Variants in ACO1 observed in about 807,000 individuals in gnomAD.
The protein encoded by ACO1 is cytoplasmic aconitate hydratase.
In ACO1, 78 loss-of-function variants were observed where a neutral mutation model predicts 105.1. The ratio of observed to expected loss-of-function variants is 0.74; its 90% CI spans 0.62 to 0.90. The LOEUF is 0.90. Among genes scored for constraint, ACO1 ranks in the 40% least tolerant of loss-of-function variants. The pLI is 0.00. For synonymous variants in ACO1, 364 were observed against 397.4 expected (o/e 0.92, Z 1.00); for missense variants, 965 against 1,111.1 (o/e 0.87, Z 1.87).
chr9:32,420,862 C>T lies in ACO1; in HGVS notation c.805C>T (p.Arg269Cys), dbSNP rs779887077. ...DIVLTITKHL[R>C]QVGVVGKFVE... ...TGTTGTTTCTGCTGCTTAGCACCTC[C>T]GCCAGGTTGGGGTAGTGGGCAAATT... is the stretch of plus-strand genomic sequence containing the variant. The change falls in exon 8 of 21, where the codon CGC becomes TGC. Residue 269 changes from arginine to cysteine, a missense_variant. By Grantham distance (180) the Arg-to-Cys change is radical. Coordinates refer to ENST00000309951, the MANE Select transcript of ACO1 (RefSeq NM_002197.3). 1.2e-5 allele frequency: 19 copies of T among 1,613,180 alleles called. No homozygotes were observed. Among genetic ancestry groups the T allele is most frequent in the Middle Eastern group, 1.7e-4 (1 of 6,004 alleles).
Position 32,420,977 on chromosome 9 carries a change from C to A in ACO1, c.920C>A (p.Ala307Asp). The change falls in exon 8 of 21, where the codon GCT becomes GAT. Residue 307 changes from alanine (A) to aspartate (D), a missense_variant. Ala to Asp is a moderately radical substitution (Grantham distance 126). Transcript: ENST00000309951. ...ATGTGTCCAGAGTACGGAGCAACTG[C>A]TGCCTTTTTCCCAGTTGATGAAGTT... ...ANMCPEYGAT[A>D]AFFPVDEVSI... 1.2e-6 allele frequency: 2 copies of A among 1,614,132 alleles called. No individual in the cohort carries two copies. The highest frequency in any genetic ancestry group is 1.7e-6 in the Non-Finnish European group (2 of 1,180,024).
chr9:32,391,504 C>T (rs1821266572), intron 1 of ACO1, among the ~76,000 whole-genome samples: 1 of 152,182 alleles, frequency 6.6e-6, no homozygotes, highest in South Asian at 2.1e-4. Context: ...ATTAATCCAC[C>T]TTAGATGAAT....
At chr9:32,413,500 AAAT>A (rs1396015779) in intron 4 of ACO1, among the ~76,000 whole-genome samples, 1 of 144,654 alleles carries the variant, frequency 6.9e-6, no homozygotes, top group African/African-American at 2.5e-5. Context: ...AAAAAAAAAA[AAAT>A]CTTTTAGAAG....
rs542268171 is a variant in ACO1 at position 32,404,859 on chromosome 9, G to A, written c.-22-626G>A. ...CAGAATCACCTAGAAGCTTGAACAG[G>A]TTCAATGGGTGGGGAGGGGATACTC... is the stretch of plus-strand genomic sequence containing the variant. On this transcript the variant is annotated intron_variant, in intron 1 of 20. Coordinates refer to ENST00000309951, the MANE Select transcript of ACO1 (RefSeq NM_002197.3). 4.6e-5 allele frequency among the ~76,000 whole-genome samples: 7 copies of A among 152,292 alleles called. No individual in the cohort carries two copies. The South Asian group carries it at 1.5e-3, about 32-fold the overall frequency.
chr9:32,398,531 T>C (rs1821419731), intron 1 of ACO1, among the ~76,000 whole-genome samples: 1 of 151,460 alleles, frequency 6.6e-6, no homozygotes, highest in Non-Finnish European at 1.5e-5. Context: ...CACCCAGGGT[T>C]CGGAATTTCT....
In ACO1 at chr9:32,439,464, T is replaced by C. The variant is rs1427796127; in HGVS notation, c.2248-1001T>C. Among the ~76,000 whole-genome samples the C allele has an allele frequency of 6.6e-6, 1 of 152,224 alleles. No homozygotes were observed. Among genetic ancestry groups the C allele is most frequent in the African/African-American group, 2.4e-5 (1 of 41,462 alleles). On this transcript the variant is annotated intron_variant, in intron 18 of 20. Transcript: ENST00000309951. This position sits in a 1 kb window ranked among gnomAD's most constrained non-coding sequence, Gnocchi z 4.0. ...TAGCTCCTGTCTCTCTTTTGAGGAA[T>C]TTTATCTTCTGACTTACATAGCCTG... is the stretch of plus-strand genomic sequence containing the variant.
Position 32,453,240 on chromosome 9 carries a change from G to T in ACO1, c.*3129G>T, listed in dbSNP as rs568302122. ...AATATAGCAAATAAGGATGAGGGAT[G>T]CCCTTCATGTGTATTTACACACCAG... On this transcript the variant is annotated 3_prime_UTR_variant, in exon 21 of 21. Transcript: ENST00000309951. 32 of 152,032 alleles carry T rather than the reference G, an allele frequency of 2.1e-4. No individual in the cohort carries two copies. Among genetic ancestry groups the T allele is most frequent in the African/African-American group, 7.7e-4 (32 of 41,466 alleles). The allele number at this position is 152,032 out of a possible 1,614,324, so 9.4% of individuals were successfully genotyped here.
intron 7 of ACO1, 90 bp from the exon 8 acceptor site, chr9:32,420,766 G>A: frequency 7.2e-7 from 1 of 1,381,628 alleles, no homozygotes; most frequent in Non-Finnish European, 1.0e-6. Flanking sequence ...TTACTGACAA[G>A]ACTAGTTTAT....
chr9:32,410,921 A>AC (rs1821724731), intron 4 of ACO1, among the ~76,000 whole-genome samples: 1 of 152,138 alleles, frequency 6.6e-6, no homozygotes. Context: ...CTTACACTGA[A>AC]CCATACATCT....
chr9:32,408,669 A>G lies in ACO1; in HGVS notation c.404+18A>G, dbSNP rs368917410. On this transcript the variant is annotated intron_variant, in intron 4 of 20. Coordinates refer to ENST00000309951, the MANE Select transcript of ACO1 (RefSeq NM_002197.3). ...AACAGAAGGTGAGAGATTAAAACGA[A>G]TACCTGAGTGTTCTGCTTTGTGCAA... The G allele has an allele frequency of 3.7e-6, 6 of 1,613,382 alleles. No individual in the cohort carries two copies. The highest frequency in any genetic ancestry group is 4.2e-6 in the Non-Finnish European group (5 of 1,179,704).
chr9:32,424,964 C>T (rs1038212902), intron 10 of ACO1, among the ~76,000 whole-genome samples: 10 of 152,212 alleles, frequency 6.6e-5, no homozygotes, highest in African/African-American at 2.4e-4. Flanking sequence ...CATGCCCCTC[C>T]CTGCCTGAAA....
chr9:32,384,754 C>G lies in ACO1; in HGVS notation c.-23+19C>G, dbSNP rs1265574873. On this transcript the variant is annotated intron_variant, in intron 1 of 20. Coordinates refer to ENST00000309951, the MANE Select transcript of ACO1 (RefSeq NM_002197.3). ...GTCGGAGGTGAGTACCGACGCGGCC[C>G]GACCCACGTCCCCAGGCGGGAGCGC... 2 of 378,420 alleles carry G rather than the reference C, an allele frequency of 5.3e-6. No individual in the cohort carries two copies. The highest frequency in any genetic ancestry group is 1.1e-5 in the Non-Finnish European group (2 of 185,968). The allele number at this position is 378,420 out of a possible 1,614,324, so 23.4% of individuals were successfully genotyped here.
chr9:32,445,044 G>A (rs547057159), intron 19 of ACO1, among the ~76,000 whole-genome samples: 8 of 152,230 alleles, frequency 5.3e-5, no homozygotes, highest in South Asian at 2.1e-4. Context: ...TTTTTGCATC[G>A]ATGTTCATCA....
chr9:32,424,962 T>TC (rs1156255235), intron 10 of ACO1, among the ~76,000 whole-genome samples: 1 of 152,344 alleles, frequency 6.6e-6, no homozygotes, highest in Admixed American at 6.5e-5. Context: ...TGCATGCCCC[T>TC]CCCTGCCTGA....
intron 19 of ACO1, among the ~76,000 whole-genome samples, chr9:32,444,857 C>T (rs1219416631): frequency 6.6e-6 from 1 of 152,148 alleles, no homozygotes; most frequent in African/African-American, 2.4e-5. Flanking sequence ...TCCTTTTCTG[C>T]ATCTATTGAG....
chr9:32,434,802 C>G, intron 17 of ACO1, 101 bp downstream of exon 17: 1 of 1,423,310 alleles, frequency 7.0e-7, no homozygotes, highest in Non-Finnish European at 9.6e-7. Context: ...GAATGAGACT[C>G]TTTGGTTGTG....
intron 4 of ACO1, among the ~76,000 whole-genome samples, chr9:32,410,034 G>A (rs903545152): frequency 6.6e-6 from 1 of 152,052 alleles, no homozygotes; most frequent in Non-Finnish European, 1.5e-5. Flanking sequence ...AAGTAGTAAT[G>A]GTCAATTTTC....
rs1473199677 is a variant in ACO1, at chr9:32,418,498, C to T, written c.645C>T (p.Gly215=). Residue 215 remains glycine, a synonymous_variant, in exon 6 of 21, where the codon GGC becomes GGT. Coordinates refer to ENST00000309951, the MANE Select transcript of ACO1 (RefSeq NM_002197.3). The part of the protein sequence containing the change: ...DSHTTMIDGL[G]ILGWGVGGIE... ...ACACTACCATGATTGATGGCTTGGG[C>T]ATTCTTGGTTGGGGTGAGTGTTCTT... The T allele has an allele frequency of 1.9e-6, 3 of 1,612,640 alleles. No individual in the cohort carries two copies. In the South Asian group the frequency reaches 3.3e-5, roughly 18 times the overall value.
Position 32,420,905 on chromosome 9 carries a change from C to G in ACO1, c.848C>G (p.Pro283Arg). Residue 283 changes from proline to arginine, a missense_variant, in exon 8 of 21, where the codon CCT becomes CGT. By Grantham distance (103) the Pro-to-Arg change is moderately radical. Coordinates refer to ENST00000309951, the MANE Select transcript of ACO1 (RefSeq NM_002197.3). Reference protein sequence around the residue: ...VVGKFVEFFGPGVAQLSIADR... With the variant: ...VVGKFVEFFGRGVAQLSIADR... ...GGCAAATTTGTCGAGTTCTTCGGGC[C>G]TGGAGTAGCCCAGTTGTCCATTGCT... 6.2e-7 allele frequency: 1 copy of G among 1,614,018 alleles called. No homozygotes were observed. Among genetic ancestry groups the G allele is most frequent in the Non-Finnish European group, 8.5e-7 (1 of 1,179,910 alleles).
Sources: gnomAD v4.1 joint callset for allele counts (sites outside exome capture counted in the v4.1 genomes callset) on GRCh38, gnomAD v4.1.1 for gene constraint, Gnocchi (gnomAD v3.1) non-coding constraint, MANE v1.5 for transcripts, NCBI Gene and HGNC (gene_info 2026-07-23, HGNC 2026-07-21) for gene names.